CNTN4: variants seen among roughly 807,000 people sequenced by gnomAD.
CNTN4 encodes contactin-4.
In CNTN4, 77 loss-of-function variants were observed where a neutral mutation model predicts 122.5. That is an observed-to-expected ratio of 0.63 (90% CI 0.52 to 0.76). The LOEUF (loss-of-function observed/expected upper bound fraction) is 0.76, where lower values mean the gene tolerates loss of function less well. CNTN4 is among the 30% of genes least tolerant of loss of function. The pLI, the probability that CNTN4 is intolerant of heterozygous loss-of-function variation, is 0.00. For missense variants in CNTN4, 1,256 were observed against 1,259.1 expected (o/e 1.00, Z 0.04); for synonymous variants, 512 against 447.0 (o/e 1.15, Z -1.83).
chr3:2,247,698 C>T (rs1344639798), intron 2 of CNTN4, among the ~76,000 whole-genome samples: 8 of 151,722 alleles, frequency 5.3e-5, no homozygotes, highest in East Asian at 1.9e-4. Flanking sequence ...ATTATTTGAG[C>T]GACAGCAGTT....
intron 6 of CNTN4, among the ~76,000 whole-genome samples, chr3:2,806,977 C>T (rs147304322): frequency 2.7e-3 from 418 of 152,276 alleles, no homozygotes; most frequent in African/African-American, 9.6e-3. Context: ...TGGGCATCAA[C>T]GACACTATGT....
intron 2 of CNTN4, among the ~76,000 whole-genome samples, chr3:2,158,984 C>T (rs1416542783): frequency 6.6e-6 from 1 of 152,140 alleles, no homozygotes; most frequent in African/African-American, 2.4e-5. Flanking sequence ...GACTCACAGG[C>T]TTTCAGTTTG....
chr3:2,965,282 T>G (rs963456752), intron 13 of CNTN4, among the ~76,000 whole-genome samples: 7 of 152,202 alleles, frequency 4.6e-5, no homozygotes, highest in Non-Finnish European at 8.8e-5. Context: ...CTGTTCCTCC[T>G]AAATTGTATT....
intron 4 of CNTN4, among the ~76,000 whole-genome samples, chr3:2,687,812 G>T (rs1425087404): frequency 6.6e-6 from 1 of 152,158 alleles, no homozygotes; most frequent in East Asian, 1.9e-4. Flanking sequence ...TAATGTTAGT[G>T]TAGGAAGAAA....
At chr3:2,572,321 G>C (rs9831470) in intron 4 of CNTN4, among the ~76,000 whole-genome samples, 38,552 of 152,136 alleles carry the variant, frequency 0.25, 7,846 homozygotes, top group African/African-American at 0.56. Flanking sequence ...AGAAGGCGAA[G>C]GTTGCAGTGA....
chr3:2,594,112 A>T (rs2080640188), intron 4 of CNTN4, among the ~76,000 whole-genome samples: 1 of 152,124 alleles, frequency 6.6e-6, no homozygotes, highest in Non-Finnish European at 1.5e-5. Flanking sequence ...CAAGCAGGAG[A>T]TTATTTTGGG....
At chr3:2,478,315 G>A (rs1575722950) in intron 3 of CNTN4, among the ~76,000 whole-genome samples, 3 of 152,072 alleles carry the variant, frequency 2.0e-5, no homozygotes, top group Admixed American at 2.0e-4. Context: ...TAGTGTGTAT[G>A]AATACCATAG....
intron 3 of CNTN4, among the ~76,000 whole-genome samples, chr3:2,396,842 C>T (rs1178291804): frequency 6.6e-6 from 1 of 152,098 alleles, no homozygotes; most frequent in Admixed American, 6.6e-5. Flanking sequence ...GCAAAAGCCT[C>T]ACCTTATCAG....
At chr3:2,673,702 G>A (rs959094944) in intron 4 of CNTN4, among the ~76,000 whole-genome samples, 17 of 152,062 alleles carry the variant, frequency 1.1e-4, no homozygotes, top group East Asian at 5.8e-4. Context: ...CACCACGCCC[G>A]GCTAATTTTT....
At chr3:3,051,235 C>G (rs1701236885) in intron 23 of CNTN4, among the ~76,000 whole-genome samples, 1 of 152,102 alleles carries the variant, frequency 6.6e-6, no homozygotes, top group South Asian at 2.1e-4. Context: ...TTGCTATTAT[C>G]ATTATTCCCA....
intron 4 of CNTN4, among the ~76,000 whole-genome samples, chr3:2,703,779 C>A (rs868189803): frequency 1.3e-5 from 2 of 152,010 alleles, no homozygotes; most frequent in South Asian, 4.2e-4. Context: ...AATGCAAAAG[C>A]CATTCTTAGG....
At chr3:2,587,432 T>C (rs1042906927) in intron 4 of CNTN4, among the ~76,000 whole-genome samples, 1 of 152,212 alleles carries the variant, frequency 6.6e-6, no homozygotes, top group Admixed American at 6.5e-5. Context: ...AAATGATCCT[T>C]GCAAAATAAA....
intron 7 of CNTN4, among the ~76,000 whole-genome samples, chr3:2,829,339 CAT>C (rs1223854849): frequency 6.6e-6 from 1 of 152,218 alleles, no homozygotes; most frequent in Non-Finnish European, 1.5e-5. Flanking sequence ...ATCTGACCCA[CAT>C]GGCCTGGGTG....
intron 3 of CNTN4, among the ~76,000 whole-genome samples, chr3:2,481,847 G>T (rs369886942): frequency 6.6e-6 from 1 of 152,144 alleles, no homozygotes; most frequent in East Asian, 1.9e-4. Context: ...CTCTCCTGCC[G>T]CCCTGTGAAG....
chr3:2,332,149 A>G (rs1361190852), intron 2 of CNTN4, among the ~76,000 whole-genome samples: 1 of 152,114 alleles, frequency 6.6e-6, no homozygotes. Flanking sequence ...CATATTGGAA[A>G]ACTTTAGATT....
intron 4 of CNTN4, among the ~76,000 whole-genome samples, chr3:2,602,912 C>G (rs1031850504): frequency 2.0e-5 from 3 of 152,136 alleles, no homozygotes; most frequent in African/African-American, 7.2e-5. Context: ...TTCCAGTGAG[C>G]AGACATTAGA....
intron 23 of CNTN4, among the ~76,000 whole-genome samples, chr3:3,047,662 A>C (rs1292388347): frequency 1.6e-4 from 24 of 150,110 alleles, no homozygotes; most frequent in African/African-American, 4.9e-4. Context: ...CTAAATGCCC[A>C]CAAGAGAAAG....
chr3:2,547,116 G>A (rs550440240), intron 3 of CNTN4, among the ~76,000 whole-genome samples: 131 of 149,918 alleles, frequency 8.7e-4, no homozygotes, highest in African/African-American at 3.0e-3. Context: ...GGAGAAATTA[G>A]CAAAAACTCC....
chr3:2,439,881 C>T (rs975863783), intron 3 of CNTN4, among the ~76,000 whole-genome samples: 2 of 152,094 alleles, frequency 1.3e-5, no homozygotes, highest in Non-Finnish European at 2.9e-5. Context: ...AGATCTTTAG[C>T]TCAACACTCT....
Sources: allele counts gnomAD v4.1 joint callset (sites outside exome capture counted in the v4.1 genomes callset), GRCh38; gene constraint gnomAD v4.1.1; transcripts MANE v1.5; gene names NCBI Gene and HGNC (gene_info 2026-07-23, HGNC 2026-07-21).